Variants in WNK2 observed in about 807,000 individuals in gnomAD.
WNK2 encodes the protein serine/threonine-protein kinase WNK2.
In WNK2, 67 loss-of-function variants were observed where a neutral mutation model predicts 192.1. The observed-to-expected ratio is 0.35, with a 90% confidence interval of 0.29 to 0.43. The LOEUF (loss-of-function observed/expected upper bound fraction) is 0.43, where lower values mean the gene tolerates loss of function less well. Among genes scored for constraint, WNK2 ranks in the 20% least tolerant of loss-of-function variants. The pLI is 1.00. For missense variants in WNK2, 2,698 were observed against 3,089.7 expected (o/e 0.87, Z 3.01); for synonymous variants, 1,439 against 1,393.9 (o/e 1.03, Z -0.72).
At chr9:93,306,933 GC>G in intron 27 of WNK2, 112 bp downstream of exon 27, 1 of 1,348,022 alleles carries the variant, frequency 7.4e-7, no homozygotes, top group Non-Finnish European at 1.1e-6. Flanking sequence ...CCCTGTGCCT[GC>G]CCCGCGCCTG....
chr9:93,304,346 A>G (rs1446718218), intron 26 of WNK2, among the ~76,000 whole-genome samples: 1 of 152,220 alleles, frequency 6.6e-6, no homozygotes, highest in Admixed American at 6.5e-5. Flanking sequence ...GCCAAGTCCA[A>G]GAGCCGGCCC....
rs141580841 is a variant in WNK2, at chr9:93,290,558, G to T, written c.4936+511G>T. On this transcript the variant is annotated intron_variant, in intron 21 of 29. Coordinates refer to ENST00000427277, the MANE Select transcript of WNK2 (RefSeq NM_006648.4). ...ATAAAGCCCCAGTTGGTGGGTGCTG[G>T]GATGTTGCAGGGACACGTCACAGCT... Among the ~76,000 whole-genome samples the T allele has an allele frequency of 1.1e-4, 16 of 152,334 alleles. 1 individual carries two copies. In the East Asian group the frequency reaches 2.7e-3, roughly 26 times the overall value.
chr9:93,271,064 A>G (rs1043579938), intron 19 of WNK2, among the ~76,000 whole-genome samples: 2 of 152,154 alleles, frequency 1.3e-5, no homozygotes, highest in African/African-American at 2.4e-5. Context: ...CTCACCCCCA[A>G]CCTGTGCATG....
chr9:93,299,195 C>T lies in WNK2; in HGVS notation c.6049C>T (p.Arg2017Trp), dbSNP rs758039512. 33 of 1,601,848 alleles carry T rather than the reference C, an allele frequency of 2.1e-5. No homozygotes were observed. The highest frequency in any genetic ancestry group is 1.5e-4 in the African/African-American group (11 of 74,704). Residue 2017 changes from arginine (R) to tryptophan (W), a missense_variant, in exon 25 of 30, where the codon CGG becomes TGG. Coordinates refer to ENST00000427277, the MANE Select transcript of WNK2 (RefSeq NM_006648.4). ...GCAGACCCAGCAGCCCTGCTCCGTC[C>T]GGGCCTCCCTGTCTTCGGACATCTG... ...AVQTQQPCSV[R>W]ASLSSDICSG...
At chr9:93,218,828 C>T (rs1318860603) in intron 2 of WNK2, among the ~76,000 whole-genome samples, 1 of 152,184 alleles carries the variant, frequency 6.6e-6, no homozygotes, top group East Asian at 1.9e-4. Flanking sequence ...CCTGAGTTGG[C>T]TGCACCCCTC....
chr9:93,223,847 G>A (rs2131861691), intron 2 of WNK2, among the ~76,000 whole-genome samples: 1 of 152,334 alleles, frequency 6.6e-6, no homozygotes, highest in South Asian at 2.1e-4. Context: ...GGGGGTGGAG[G>A]GAACAGAAGG....
Position 93,293,022 on chromosome 9 carries a change from C to G in WNK2, c.5557C>G (p.Leu1853Val). 6.2e-7 allele frequency: 1 copy of G among 1,601,170 alleles called. No individual in the cohort carries two copies. The highest frequency in any genetic ancestry group is 8.5e-7 in the Non-Finnish European group (1 of 1,174,464). Residue 1853 changes from leucine to valine, a missense_variant, in exon 23 of 30, where the codon CTG becomes GTG. Transcript: ENST00000427277. The stretch of plus-strand genomic sequence containing the variant: ...GCAGAGGCCTTCTCGGGCCGGCTCG[C>G]TGGGCCCCGAGACACCCAGCAGGGT... ...FLQRPSRAGS[L>V]GPETPSRVGM...
intron 4 of WNK2, among the ~76,000 whole-genome samples, chr9:93,233,721 A>G (rs1028428497): frequency 3.3e-5 from 5 of 151,112 alleles, no homozygotes; most frequent in African/African-American, 1.2e-4. Flanking sequence ...AAAAAAAAAA[A>G]GTAACACATT....
At chr9:93,210,880 A>G (rs1434173930) in intron 2 of WNK2, among the ~76,000 whole-genome samples, 1 of 152,160 alleles carries the variant, frequency 6.6e-6, no homozygotes, top group Non-Finnish European at 1.5e-5. Context: ...CAGGGCCGCT[A>G]TGGGAGCCCC....
intron 8 of WNK2, among the ~76,000 whole-genome samples, chr9:93,249,203 G>C (rs1193944873): frequency 6.6e-6 from 1 of 152,112 alleles, no homozygotes; most frequent in African/African-American, 2.4e-5. Flanking sequence ...CGTAATTGTG[G>C]GTTAAATAAT....
chr9:93,273,124 A>G (rs986325199), intron 19 of WNK2, among the ~76,000 whole-genome samples: 6 of 152,242 alleles, frequency 3.9e-5, no homozygotes, highest in African/African-American at 1.4e-4. Context: ...CAAAGAAATT[A>G]CCAGGGTTAA....
intron 9 of WNK2, among the ~76,000 whole-genome samples, chr9:93,255,409 T>G (rs978308334): frequency 6.6e-6 from 1 of 152,160 alleles, no homozygotes; most frequent in Non-Finnish European, 1.5e-5. Flanking sequence ...AGACGGATGG[T>G]CCGGCCCAGT....
chr9:93,308,238 G>C, intron 27 of WNK2, 90 bp from the exon 28 acceptor site: 1 of 1,483,238 alleles, frequency 6.7e-7, no homozygotes, highest in Admixed American at 2.3e-5. Flanking sequence ...CATTGTCTCA[G>C]CTGTCACGTA....
intron 2 of WNK2, among the ~76,000 whole-genome samples, chr9:93,204,315 A>C (rs1427787872): frequency 6.6e-6 from 1 of 152,192 alleles, no homozygotes; most frequent in Non-Finnish European, 1.5e-5. Flanking sequence ...GGGCGGGCAG[A>C]AGAACTGATG....
At chr9:93,194,383 T>TA (rs143236973) in intron 2 of WNK2, among the ~76,000 whole-genome samples, 222 of 152,108 alleles carry the variant, frequency 1.5e-3, no homozygotes, top group Middle Eastern at 6.8e-3. Context: ...AACAATCAGC[T>TA]AAAAAAATAG....
intron 29 of WNK2, chr9:93,318,223 CTGTTTTA>C: frequency 6.8e-7 from 1 of 1,481,334 alleles, no homozygotes; most frequent in Non-Finnish European, 8.9e-7. Flanking sequence ...TCTTTATTTA[CTGTTTTA>C]AGTTGCAGAG....
chr9:93,240,014 G>C, intron 7 of WNK2, 38 bp downstream of exon 7: 1 of 1,580,532 alleles, frequency 6.3e-7, no homozygotes, highest in Non-Finnish European at 8.6e-7. Context: ...GGGTGCAGGT[G>C]TTGGCAGCTC....
intron 2 of WNK2, among the ~76,000 whole-genome samples, chr9:93,187,455 A>G (rs909593834): frequency 6.6e-6 from 1 of 152,110 alleles, no homozygotes; most frequent in Non-Finnish European, 1.5e-5. Flanking sequence ...CATCTCCCCC[A>G]AAAGAAGTAC....
chr9:93,209,911 C>T (rs1420891987), intron 2 of WNK2, among the ~76,000 whole-genome samples: 1 of 152,178 alleles, frequency 6.6e-6, no homozygotes, highest in Non-Finnish European at 1.5e-5. Flanking sequence ...GTGGGACACC[C>T]CCAGAGCATG....
Sources: gnomAD v4.1 joint callset for allele counts (sites outside exome capture counted in the v4.1 genomes callset) on GRCh38, gnomAD v4.1.1 for gene constraint, MANE v1.5 for transcripts, NCBI Gene and HGNC (gene_info 2026-07-23, HGNC 2026-07-21) for gene names.